HUWE1: variants seen among roughly 807,000 people sequenced by gnomAD.
HUWE1 encodes HECT, UBA and WWE domain containing E3 ubiquitin protein ligase 1.
HUWE1 carries 18 observed loss-of-function variants against 299.4 expected under a neutral mutation model. The observed-to-expected ratio is 0.06, with a 90% CI of 0.04 to 0.09. HUWE1 has a LOEUF of 0.09. HUWE1 is among the 10% of genes least tolerant of loss of function. The pLI is 1.00. For synonymous variants in HUWE1, 1,317 were observed against 1,286.1 expected, an observed-to-expected ratio of 1.02 and a Z score of -0.51; for missense variants, 1,832 against 3,462.3, an observed-to-expected ratio of 0.53 and a Z score of 11.82.
At position 53,631,723 on chromosome X, in the gene HUWE1, C is replaced by G. The variant is rs992741796; in HGVS notation, c.646-109G>C. On this transcript the variant is annotated intron_variant, in intron 9 of 83. Coordinates refer to ENST00000262854, the MANE Select transcript of HUWE1 (RefSeq NM_031407.7). Reference sequence around the variant, plus strand: ...GAAAACCAAGATGTCACCTAATAGGCTGAAGCCTAAGTGAATGCTCTTAAA... The same window carrying G: ...GAAAACCAAGATGTCACCTAATAGGGTGAAGCCTAAGTGAATGCTCTTAAA... The G allele has an allele frequency of 1.8e-5, 10 of 554,253 alleles. No individual in the cohort carries two copies. In the African/African-American group the frequency reaches 2.3e-4, roughly 13 times the overall value. 45.7% of individuals were successfully genotyped at this position (554,253 alleles called of 1,213,427 possible). A position where few individuals can be genotyped will look rare whatever the true frequency, so the allele number is the denominator to read the frequency against.
At chrX:53,631,278 A>G in intron 11 of HUWE1, 136 bp downstream of exon 11, 1 of 533,692 alleles carries the variant, frequency 1.9e-6, no homozygotes, top group Non-Finnish European at 3.2e-6. Context: ...TAAGGCTCAG[A>G]GAAGCTAACA....
chrX:53,534,781 C>G, intron 81 of HUWE1, 84 bp from the exon 82 acceptor site: 1 of 845,788 alleles, frequency 1.2e-6, no homozygotes, highest in Non-Finnish European at 1.7e-6. Flanking sequence ...CTCCCATCTA[C>G]CACTGTTAGC....
At position 53,616,710 on chromosome X, in the gene HUWE1, A is replaced by G. The variant is rs12861474; in HGVS notation, c.1957+260T>C. 0.41 allele frequency among the ~76,000 whole-genome samples: 44,857 copies of G among 110,559 alleles called. 8,090 individuals are homozygous for G. The highest frequency in any genetic ancestry group is 0.54 in the Non-Finnish European group (28,682 of 52,679). On this transcript the variant is annotated intron_variant, in intron 21 of 83. Coordinates refer to ENST00000262854, the MANE Select transcript of HUWE1 (RefSeq NM_031407.7). ...CTCATTGCTGCAGACCAGATGGTGA[A>G]CCTGGAAATCTACCACTGCTTCTTA...
chrX:53,639,882 CTA>C (rs2067464356), intron 7 of HUWE1, among the ~76,000 whole-genome samples: 1 of 112,339 alleles, frequency 8.9e-6, no homozygotes, highest in Non-Finnish European at 1.9e-5. Context: ...CCTAAAAAAA[CTA>C]TGAGGTAGAT....
intron 43 of HUWE1, among the ~76,000 whole-genome samples, chrX:53,577,407 C>A (rs1259911606): frequency 1.2e-5 from 1 of 80,946 alleles, no homozygotes; most frequent in Non-Finnish European, 2.7e-5. Flanking sequence ...CAGGGGCAGG[C>A]ACATAGCTGG....
In HUWE1 at chrX:53,589,826, G is replaced by C. The variant is rs782412503; in HGVS notation, c.4192-10C>G. ...TCCGGCAAGCAACTTCCTGGAAGCA[G>C]GGAAGGAAGTGTGAATAATACACAG... On this transcript the variant is annotated splice_polypyrimidine_tract_variant and intron_variant, in intron 35 of 83. Coordinates refer to ENST00000262854, the MANE Select transcript of HUWE1 (RefSeq NM_031407.7). 1 of 1,198,145 alleles carries C rather than the reference G, an allele frequency of 8.3e-7. No individual in the cohort carries two copies. The highest frequency in any genetic ancestry group is 1.1e-6 in the Non-Finnish European group (1 of 888,045).
At chrX:53,679,024 G>A (rs1311495632) in intron 3 of HUWE1, among the ~76,000 whole-genome samples, 4 of 111,746 alleles carry the variant, frequency 3.6e-5, no homozygotes, top group Admixed American at 2.8e-4. Context: ...TAGGATACAG[G>A]AGATTATAGC....
intron 3 of HUWE1, among the ~76,000 whole-genome samples, chrX:53,669,591 C>A (rs187117546): frequency 2.4e-3 from 266 of 112,505 alleles, no homozygotes; most frequent in African/African-American, 8.3e-3. Context: ...CATGAACAAT[C>A]TGAATTATTT....
intron 3 of HUWE1, among the ~76,000 whole-genome samples, chrX:53,677,622 C>T (rs2069896885): frequency 9.9e-6 from 1 of 100,777 alleles, no homozygotes; most frequent in African/African-American, 3.6e-5. Flanking sequence ...AAAGCAAAGA[C>T]CAGGAGAAAC....
At chrX:53,625,346 C>A in intron 17 of HUWE1, 88 bp from the exon 18 acceptor site, 1 of 573,617 alleles carries the variant, frequency 1.7e-6, no homozygotes, top group East Asian at 3.3e-5. Flanking sequence ...TTAAGAGATC[C>A]AAATACACTA....
At chrX:53,655,342 C>T (rs1247781178) in intron 3 of HUWE1, among the ~76,000 whole-genome samples, 3 of 110,819 alleles carry the variant, frequency 2.7e-5, no homozygotes, top group African/African-American at 9.8e-5. Context: ...ATGGAAATAG[C>T]GTGTATTTGC....
Position 53,602,462 on chromosome X carries a change from C to A in HUWE1, c.2971+102G>T, listed in dbSNP as rs880003251. 6.4e-5 allele frequency: 32 copies of A among 501,414 alleles called. No individual in the cohort carries two copies. The South Asian group carries it at 8.5e-4, about 13-fold the overall frequency. 41.3% of individuals were successfully genotyped at this position (501,414 alleles called of 1,213,427 possible). A position where few individuals can be genotyped will look rare whatever the true frequency, so the allele number is the denominator to read the frequency against. ...AATTAGTGAGAGGATGAAAACTAGA[C>A]TATGGATGATAGAACTAACTAAAAA... On this transcript the variant is annotated intron_variant, in intron 28 of 83. Coordinates refer to ENST00000262854, the MANE Select transcript of HUWE1 (RefSeq NM_031407.7).
intron 15 of HUWE1, among the ~76,000 whole-genome samples, 192 bp from the exon 16 acceptor site, chrX:53,628,071 G>A (rs1002925183): frequency 1.3e-4 from 14 of 111,191 alleles, no homozygotes; most frequent in African/African-American, 4.6e-4. Flanking sequence ...TGAGGTAATG[G>A]GGACATCAAT....
rs782209324 is a variant in HUWE1, at chrX:53,677,689, C to A, written c.-25+2360G>T. ...GAAAATAATCATAGCAAATAATGTA[C>A]CCAAAGTAATCTTCCAAAATCATTC... On this transcript the variant is annotated intron_variant, in intron 3 of 83. Coordinates refer to ENST00000262854, the MANE Select transcript of HUWE1 (RefSeq NM_031407.7). 3.7e-5 allele frequency among the ~76,000 whole-genome samples: 4 copies of A among 108,937 alleles called. No individual in the cohort carries two copies. The South Asian group carries it at 1.6e-3, about 43-fold the overall frequency. The allele number at this position is 108,937 out of a possible 115,157, so 94.6% of individuals were successfully genotyped here.
Position 53,562,836 on chromosome X carries a change from C to T in HUWE1, c.7199G>A (p.Arg2400Gln). Residue 2400 changes from arginine to glutamine, a missense_variant, in exon 53 of 84, where the codon CGA becomes CAA. Arg to Gln is a conservative substitution (Grantham distance 43). This residue lies in a region of HUWE1 where 170 missense variants were observed against 335.8 expected (regional missense o/e 0.51). Coordinates refer to ENST00000262854, the MANE Select transcript of HUWE1 (RefSeq NM_031407.7). ...TCTGGCCTCGGCACTCTCACCTTCT[C>T]GGTTGGCCTGCAAGGTGGAAGCTTG... The part of the protein sequence containing the change: ...LSQASTLQAN[R>Q]EDSMNILDPE... 4 of 1,208,301 alleles carry T rather than the reference C, an allele frequency of 3.3e-6. No homozygotes were observed. Among genetic ancestry groups the T allele is most frequent in the Non-Finnish European group, 4.5e-6 (4 of 893,005 alleles).
At chrX:53,620,496 T>A (rs781951545) in intron 19 of HUWE1, among the ~76,000 whole-genome samples, 2 of 111,351 alleles carry the variant, frequency 1.8e-5, no homozygotes, top group African/African-American at 6.5e-5. Flanking sequence ...AATCTGCCTG[T>A]CTCAGCATCC....
Position 53,583,599 on chromosome X carries a change from T to C in HUWE1, c.5479A>G (p.Ile1827Val). Residue 1827 changes from isoleucine to valine, a missense_variant, in exon 42 of 84, where the codon ATC (isoleucine) becomes GTC (valine). By Grantham distance (29) the Ile-to-Val change is conservative. This residue lies in a region of HUWE1 where 50 missense variants were observed against 114.9 expected (regional missense o/e 0.44). Transcript: ENST00000262854. ...CGAAGGGTACAGGGGTCCTCAATGA[T>C]GTGTCTTAAGAGAAGGGTGACCAGG... is the stretch of plus-strand genomic sequence containing the variant. The part of the protein sequence containing the change: ...TPLVTLLLRH[I>V]IEDPCTLRHT... The C allele has an allele frequency of 2.5e-6, 3 of 1,209,585 alleles. No individual in the cohort carries two copies. Among genetic ancestry groups the C allele is most frequent in the Non-Finnish European group, 3.4e-6 (3 of 893,624 alleles).
intron 39 of HUWE1, 33 bp downstream of exon 39, chrX:53,586,457 C>T (rs782604793): frequency 2.0e-6 from 2 of 1,022,399 alleles, no homozygotes; most frequent in Admixed American, 2.2e-5. Flanking sequence ...GGAAGCTAAA[C>T]CGTCCTGCAG....
Position 53,625,040 on chromosome X carries a change from G to A in HUWE1, c.1591+117C>T, listed in dbSNP as rs2066396208. On this transcript the variant is annotated intron_variant, in intron 18 of 83. Transcript: ENST00000262854. ...AAAACAACTAAAAGCTATTGAAAAT[G>A]GCATGGCCTTTACCAAAGACTGCCT... is the stretch of plus-strand genomic sequence containing the variant. 5.7e-6 allele frequency: 3 copies of A among 530,609 alleles called. No individual in the cohort carries two copies. In the South Asian group the frequency reaches 8.0e-5, roughly 14 times the overall value. 43.7% of individuals were successfully genotyped at this position (530,609 alleles called of 1,213,427 possible).
Sources: allele counts gnomAD v4.1 joint callset (sites outside exome capture counted in the v4.1 genomes callset), GRCh38; gene constraint gnomAD v4.1.1; regional missense constraint gnomAD v4.1.1; transcripts MANE v1.5; gene names NCBI Gene and HGNC (gene_info 2026-07-23, HGNC 2026-07-21).